KCNQ1: variants seen among roughly 807,000 people sequenced by gnomAD.
The protein encoded by KCNQ1 is potassium voltage-gated channel subfamily KQT member 1.
In KCNQ1, 49 loss-of-function variants were observed where a neutral mutation model predicts 72.4. That is an observed-to-expected ratio of 0.68 (90% CI 0.54 to 0.86). KCNQ1 has a LOEUF of 0.86. Among genes scored for constraint, KCNQ1 ranks in the 40% least tolerant of loss-of-function variants. The pLI is 0.00. For synonymous variants in KCNQ1, 450 were observed against 412.6 expected (o/e 1.09, Z -1.10); for missense variants, 790 against 945.1 (o/e 0.84, Z 2.15).
chr11:2,845,545 G>C (rs1051799528), intron 15 of KCNQ1, among the ~76,000 whole-genome samples: 3 of 152,194 alleles, frequency 2.0e-5, no homozygotes, highest in Non-Finnish European at 2.9e-5. Flanking sequence ...TTCCTCCATA[G>C]TCTGGGCCTC....
Position 2,479,488 on chromosome 11 carries a change from G to C in KCNQ1, c.386+34004G>C, listed in dbSNP as rs1846622108. Among the ~76,000 whole-genome samples the C allele has an allele frequency of 6.6e-6, 1 of 152,244 alleles. No homozygotes were observed. ...TGGAAGCTACCAAGAGTTGGGGCTT[G>C]CACCCTCTGAAGCCACAGCCCAAGC... On this transcript the variant is annotated intron_variant, in intron 1 of 15. Coordinates refer to ENST00000155840, the MANE Select transcript of KCNQ1 (RefSeq NM_000218.3). The surrounding 1 kb of genome is among the most constrained non-coding windows in gnomAD (Gnocchi z 4.6).
At position 2,785,546 on chromosome 11, in the gene KCNQ1, G is replaced by A. The variant is rs865846969; in HGVS notation, c.1794+7509G>A. ...TCCTTTTCTTTTTAATCCTACAACCGTAGGATTTCAGGTTTGTCTTTTGTA... is the reference window on the plus strand; with the variant it reads ...TCCTTTTCTTTTTAATCCTACAACCATAGGATTTCAGGTTTGTCTTTTGTA... On this transcript the variant is annotated intron_variant, in intron 15 of 15. Transcript: ENST00000155840. This position sits in a 1 kb window ranked among gnomAD's most constrained non-coding sequence, Gnocchi z 4.4. Among the ~76,000 whole-genome samples the A allele has an allele frequency of 4.0e-5, 6 of 151,712 alleles. No individual in the cohort carries two copies. Among genetic ancestry groups the A allele is most frequent in the South Asian group, 2.1e-4 (1 of 4,822 alleles).
In KCNQ1 at chr11:2,565,640, A is replaced by C. The variant is rs1848236377; in HGVS notation, c.478-4988A>C. Among the ~76,000 whole-genome samples the C allele has an allele frequency of 6.6e-6, 1 of 152,142 alleles. No homozygotes were observed. Among genetic ancestry groups the C allele is most frequent in the South Asian group, 2.1e-4 (1 of 4,824 alleles). On this transcript the variant is annotated intron_variant, in intron 2 of 15. Transcript: ENST00000155840. This position sits in a 1 kb window ranked among gnomAD's most constrained non-coding sequence, Gnocchi z 5.6. ...TGGCCAGGGGAAAGACCCGTGGCCT[A>C]TCTTGTTTTGGGGGGCAGGGACCCA...
At chr11:2,842,999 G>A (rs939367894) in intron 15 of KCNQ1, among the ~76,000 whole-genome samples, 5 of 152,172 alleles carry the variant, frequency 3.3e-5, no homozygotes, top group South Asian at 2.1e-4. Context: ...GACCCGCTGC[G>A]GCACACACAC....
intron 15 of KCNQ1, among the ~76,000 whole-genome samples, chr11:2,825,436 G>A (rs892361327): frequency 2.6e-4 from 39 of 152,014 alleles, no homozygotes; most frequent in African/African-American, 8.7e-4. Flanking sequence ...CAAGCACCAC[G>A]CGGGGGGGTA....
intron 6 of KCNQ1, among the ~76,000 whole-genome samples, chr11:2,574,386 CAG>C (rs999973056): frequency 6.6e-6 from 1 of 151,032 alleles, no homozygotes; most frequent in African/African-American, 2.4e-5. Flanking sequence ...GTGGTAGCAA[CAG>C]GGGCTGGGGG....
At chr11:2,607,198 C>T (rs1848895446) in intron 10 of KCNQ1, among the ~76,000 whole-genome samples, 1 of 152,052 alleles carries the variant, frequency 6.6e-6, no homozygotes, top group Non-Finnish European at 1.5e-5. Context: ...CCACTGCACC[C>T]GGCCAACTGT....
rs1387407011 is a variant in KCNQ1 at position 2,559,497 on chromosome 11, G to T, written c.478-11131G>T. 6.6e-6 allele frequency among the ~76,000 whole-genome samples: 1 copy of T among 152,196 alleles called. No individual in the cohort carries two copies. The highest frequency in any genetic ancestry group is 1.5e-5 in the Non-Finnish European group (1 of 68,026). ...GCCCACAGGGGACACTGGGCCTCAT[G>T]CCGCCTGTCAGGATGGTGTCCGGGA... is the stretch of plus-strand genomic sequence containing the variant. On this transcript the variant is annotated intron_variant, in intron 2 of 15. Transcript: ENST00000155840. The surrounding 1 kb of genome is among the most constrained non-coding windows in gnomAD (Gnocchi z 4.9).
rs903172033 is a variant in KCNQ1 at position 2,491,412 on chromosome 11, C to T, written c.387-36516C>T. On this transcript the variant is annotated intron_variant, in intron 1 of 15. Transcript: ENST00000155840. The surrounding 1 kb of genome is among the most constrained non-coding windows in gnomAD (Gnocchi z 4.1). ...TAAAGAGATTAAAATAAGAATCAAG[C>T]AGAAATTCTGGAGTTGAAAAATGCA... is the stretch of plus-strand genomic sequence containing the variant. Among the ~76,000 whole-genome samples the T allele has an allele frequency of 3.3e-5, 5 of 152,084 alleles. No individual in the cohort carries two copies. The highest frequency in any genetic ancestry group is 1.2e-4 in the African/African-American group (5 of 41,406).
intron 2 of KCNQ1, among the ~76,000 whole-genome samples, chr11:2,530,522 G>C (rs1847602342): frequency 6.6e-6 from 1 of 152,242 alleles, no homozygotes; most frequent in Non-Finnish European, 1.5e-5. Flanking sequence ...TACCTCTGCA[G>C]GTGTGTGTAC....
rs1029401529 is a variant in KCNQ1 at position 2,647,051 on chromosome 11, C to A, written c.1394-14910C>A. 4 of 398,426 alleles carry A rather than the reference C, an allele frequency of 1.0e-5. No homozygotes were observed. The highest frequency in any genetic ancestry group is 1.8e-5 in the Non-Finnish European group (4 of 226,038). The allele number at this position is 398,426 out of a possible 1,614,324, so 24.7% of individuals were successfully genotyped here. ...AATAAGAATAGTGAAAGTGGGCATC[C>A]TTGTCTTGTTCTAGTTCTAAGAGAG... On this transcript the variant is annotated intron_variant, in intron 10 of 15. Transcript: ENST00000155840. The surrounding 1 kb of genome is among the most constrained non-coding windows in gnomAD (Gnocchi z 4.0).
Position 2,451,796 on chromosome 11 carries a change from C to T in KCNQ1, c.386+6312C>T, listed in dbSNP as rs1425553941. On this transcript the variant is annotated intron_variant, in intron 1 of 15. Coordinates refer to ENST00000155840, the MANE Select transcript of KCNQ1 (RefSeq NM_000218.3). This position sits in a 1 kb window ranked among gnomAD's most constrained non-coding sequence, Gnocchi z 6.4. ...CACTCACAGATGAGGACATTTGGGT[C>T]GCCTTACAGATGAGACAACTAGGCC... Among the ~76,000 whole-genome samples, 5 of 152,142 alleles carry T rather than the reference C, an allele frequency of 3.3e-5. No homozygotes were observed. Among genetic ancestry groups the T allele is most frequent in the African/African-American group, 4.8e-5 (2 of 41,422 alleles).
chr11:2,684,645 A>C, intron 11 of KCNQ1: 2 of 398,672 alleles, frequency 5.0e-6, no homozygotes, highest in Non-Finnish European at 8.8e-6. Flanking sequence ...AAGAAGGAAC[A>C]GGAAAGAAAG....
In KCNQ1 at chr11:2,766,821, C is replaced by T. The variant is rs970741654; in HGVS notation, c.1515-2023C>T. ...GATATGACATTACCTATTTCTTAGT[C>T]CTTATTTCTGTATCAGTTACCTATT... On this transcript the variant is annotated intron_variant, in intron 11 of 15. Transcript: ENST00000155840. The surrounding 1 kb of genome is among the most constrained non-coding windows in gnomAD (Gnocchi z 4.4). 6.6e-6 allele frequency among the ~76,000 whole-genome samples: 1 copy of T among 152,168 alleles called. No individual in the cohort carries two copies. Among genetic ancestry groups the T allele is most frequent in the African/African-American group, 2.4e-5 (1 of 41,424 alleles).
At position 2,784,635 on chromosome 11, in the gene KCNQ1, A is replaced by G. The variant is rs1846880124; in HGVS notation, c.1794+6598A>G. Among the ~76,000 whole-genome samples the G allele has an allele frequency of 6.6e-6, 1 of 151,962 alleles. No homozygotes were observed. Among genetic ancestry groups the G allele is most frequent in the Non-Finnish European group, 1.5e-5 (1 of 67,806 alleles). On this transcript the variant is annotated intron_variant, in intron 15 of 15. Transcript: ENST00000155840. The surrounding 1 kb of genome is among the most constrained non-coding windows in gnomAD (Gnocchi z 4.7). ...CCATTTGGGGAAAATTGACAACTTA[A>G]CAAAATTGAGTATTGTAATCAATGA...
chr11:2,610,443 T>C (rs1043737999), intron 10 of KCNQ1: 1 of 398,444 alleles, frequency 2.5e-6, no homozygotes, highest in East Asian at 3.6e-5. Context: ...ATCATATATT[T>C]GATCCACTTT....
chr11:2,733,814 A>ACACACACACACACACTCTCTCTCTCTCT, intron 11 of KCNQ1, among the ~76,000 whole-genome samples: 2 of 86,612 alleles, frequency 2.3e-5, no homozygotes. Flanking sequence ...ACACACACAC[A>ACACACACACACACACTCTCTCTCTCTCT]CTCTCTCACT....
chr11:2,564,919 C>A lies in KCNQ1; in HGVS notation c.478-5709C>A, dbSNP rs1848224285. ...ATGTTGCAGCCTGTGTGAGAATCCC[C>A]TTCCTTTTTAAGGCCAAATCCTATT... On this transcript the variant is annotated intron_variant, in intron 2 of 15. Transcript: ENST00000155840. The surrounding 1 kb of genome is among the most constrained non-coding windows in gnomAD (Gnocchi z 4.5). Among the ~76,000 whole-genome samples the A allele has an allele frequency of 6.6e-6, 1 of 152,196 alleles. No homozygotes were observed. The highest frequency in any genetic ancestry group is 2.4e-5 in the African/African-American group (1 of 41,434).
intron 2 of KCNQ1, among the ~76,000 whole-genome samples, chr11:2,530,812 T>G (rs910109685): frequency 1.3e-5 from 2 of 152,168 alleles, no homozygotes; most frequent in African/African-American, 2.4e-5. Context: ...ATGGCTGTGT[T>G]GTGTGTATTT....
Sources: allele counts gnomAD v4.1 joint callset (sites outside exome capture counted in the v4.1 genomes callset), GRCh38; gene constraint gnomAD v4.1.1; non-coding constraint Gnocchi (gnomAD v3.1); transcripts MANE v1.5; gene names NCBI Gene and HGNC (gene_info 2026-07-23, HGNC 2026-07-21).